Variants in DGKG observed in about 807,000 individuals in gnomAD.
DGKG encodes DAG kinase gamma.
In DGKG, 78 loss-of-function variants were observed where a neutral mutation model predicts 105.3. The ratio of observed to expected loss-of-function variants is 0.74; its 90% CI spans 0.62 to 0.89. DGKG has a LOEUF of 0.89. Among genes scored for constraint, DGKG ranks in the 40% least tolerant of loss-of-function variants. DGKG has a pLI of 0.00. For missense variants in DGKG, 958 were observed against 1,020.1 expected (o/e 0.94, Z 0.83); for synonymous variants, 346 against 367.1 (o/e 0.94, Z 0.66).
At chr3:186,270,884 G>A (rs1722282401) in intron 11 of DGKG, among the ~76,000 whole-genome samples, 1 of 152,212 alleles carries the variant, frequency 6.6e-6, no homozygotes, top group Non-Finnish European at 1.5e-5. Context: ...CCCCTCATTG[G>A]CCTCACTCTG....
chr3:186,295,239 A>C lies in DGKG; in HGVS notation c.373+2182T>G, dbSNP rs552815926. Among the ~76,000 whole-genome samples, 4 of 152,258 alleles carry C rather than the reference A, an allele frequency of 2.6e-5. No homozygotes were observed. In the East Asian group the frequency reaches 7.7e-4, roughly 29 times the overall value. On this transcript the variant is annotated intron_variant, in intron 5 of 24. Transcript: ENST00000265022. ...AAATATAGGCTGGGCGGGGTGGCTCACGCCTATAATCCCAGCACTTTGGGA... is the reference window on the plus strand; with the variant it reads ...AAATATAGGCTGGGCGGGGTGGCTCCCGCCTATAATCCCAGCACTTTGGGA...
chr3:186,280,948 G>T, intron 7 of DGKG: 1 of 524,436 alleles, frequency 1.9e-6, no homozygotes, highest in Non-Finnish European at 3.5e-6. Context: ...GCATGCATAA[G>T]CTGGAGGTAT....
chr3:186,188,298 T>G lies in DGKG; in HGVS notation c.1999A>C (p.Thr667Pro). 6.2e-7 allele frequency: 1 copy of G among 1,614,176 alleles called. No individual in the cohort carries two copies. The highest frequency in any genetic ancestry group is 8.5e-7 in the Non-Finnish European group (1 of 1,180,040). ...TTCTTGTTTTCTCCCCAGAGATTGG[T>G]GCCTCCGTACATGCTGGGAATGTTG... ...ILNIPSMYGG[T>P]NLWGENKKNR... is the part of the protein sequence containing the mutation. The change falls in exon 22 of 25, where the codon ACC (threonine) becomes CCC (proline). Residue 667 changes from threonine (T) to proline (P), a missense_variant. Thr to Pro is a conservative substitution (Grantham distance 38, BLOSUM62 -1). Transcript: ENST00000265022.
At chr3:186,192,851 C>T (rs561735663) in intron 21 of DGKG, among the ~76,000 whole-genome samples, 7 of 152,284 alleles carry the variant, frequency 4.6e-5, no homozygotes, top group Admixed American at 1.3e-4. Context: ...ATCTTGCCTC[C>T]GCACCAGGTT....
At position 186,298,141 on chromosome 3, in the gene DGKG, G is replaced by T. The variant is rs761372917; in HGVS notation, c.233C>A (p.Ala78Asp). 16 of 1,614,048 alleles carry T rather than the reference G, an allele frequency of 9.9e-6. No homozygotes were observed. The South Asian group carries it at 1.6e-4, about 17-fold the overall frequency. The change falls in exon 4 of 25, where the codon GCC becomes GAC. Residue 78 changes from alanine to aspartate, a missense_variant. Physicochemically the swap from Ala to Asp is moderately radical, Grantham distance 126 (BLOSUM62 -2). Around this residue, in one of 2 missense-constraint regions of DGKG, gnomAD observed 643 missense variants for 619.5 expected, o/e 1.04. Transcript: ENST00000265022. ...PQPLSTHLFL[A>D]FSQKPRHETS... ...CTCGTGTCTGGGCTTCTGGCTGAAG[G>T]CCAGGAAGAGGTGAGTGCTCAGTGG...
At chr3:186,201,736 T>C (rs1406902371) in intron 21 of DGKG, among the ~76,000 whole-genome samples, 1 of 152,210 alleles carries the variant, frequency 6.6e-6, no homozygotes, top group Non-Finnish European at 1.5e-5. Flanking sequence ...TTGCTAATGT[T>C]CACACCAATT....
chr3:186,273,367 CTTTTTTTTT>C (rs375667915), intron 10 of DGKG, among the ~76,000 whole-genome samples: 3,166 of 85,656 alleles, frequency 0.037, 81 homozygotes, highest in Middle Eastern at 0.077. Context: ...TGTTGTACCC[CTTTTTTTTT>C]TTTTTTTTTT....
At chr3:186,209,041 A>G (rs1718888811) in intron 21 of DGKG, among the ~76,000 whole-genome samples, 1 of 149,832 alleles carries the variant, frequency 6.7e-6, no homozygotes, top group Non-Finnish European at 1.5e-5. Flanking sequence ...CAGTCAAAGC[A>G]CGTGACTTTT....
At chr3:186,266,779 G>C (rs1421461038) in intron 13 of DGKG, among the ~76,000 whole-genome samples, 1 of 152,066 alleles carries the variant, frequency 6.6e-6, no homozygotes, top group South Asian at 2.1e-4. Context: ...TGTATTTTTA[G>C]TAGAGATGGG....
In DGKG at chr3:186,211,870, C is replaced by G. The variant is rs145474986; in HGVS notation, c.1842G>C (p.Leu614=). The change falls in exon 21 of 25, where the codon CTG becomes CTC. Residue 614 remains leucine (L), a synonymous_variant. Transcript: ENST00000265022. ...CCGAGGTGCCAAATTCAAAGTACCA[C>G]AGCTTGTTCTTCATCCTGGACCACA... The part of the protein sequence containing the change: ...EKFNSRMKNK[L]WYFEFGTSET... The G allele has an allele frequency of 5.6e-6, 9 of 1,614,064 alleles. No homozygotes were observed. The African/African-American group carries it at 1.2e-4, about 22-fold the overall frequency.
intron 20 of DGKG, among the ~76,000 whole-genome samples, chr3:186,218,377 GACTGTAATCCCAGCT>G (rs1408215355): frequency 6.6e-6 from 1 of 151,792 alleles, no homozygotes; most frequent in Non-Finnish European, 1.5e-5. Flanking sequence ...GGTGGTGCAT[GACTGTAATCCCAGCT>G]ACTCGGGAAG....
rs368145684 is a variant in DGKG, at chr3:186,361,396, A to T, written c.-249+550T>A. On this transcript the variant is annotated intron_variant, in intron 1 of 24. Transcript: ENST00000265022. This position sits in a 1 kb window ranked among gnomAD's most constrained non-coding sequence, Gnocchi z 6.8. ...CTGAGACTACACAGATCAACCTCAG[A>T]TTCGACCCTTCCCTCCTTTATTCTC... Among the ~76,000 whole-genome samples, 6 of 152,250 alleles carry T rather than the reference A, an allele frequency of 3.9e-5. No homozygotes were observed. The East Asian group carries it at 1.2e-3, about 29-fold the overall frequency.
intron 20 of DGKG, among the ~76,000 whole-genome samples, chr3:186,215,518 T>A (rs1411846159): frequency 2.6e-5 from 4 of 152,014 alleles, no homozygotes; most frequent in African/African-American, 9.7e-5. Flanking sequence ...TTAGGTTTTT[T>A]AAAGATCATT....
rs201683738 is a variant in DGKG at position 186,348,974 on chromosome 3, AT to A, written c.-249+12971del. On this transcript the variant is annotated intron_variant, in intron 1 of 24. Coordinates refer to ENST00000265022, the MANE Select transcript of DGKG (RefSeq NM_001346.3). ...AACTATTTTGAAGTAATGTCAGGAA[AT>A]TTTTTTTTATTTAAAAATTATTTAA... 9.1e-3 allele frequency among the ~76,000 whole-genome samples: 1,375 copies of A among 151,696 alleles called. 26 individuals carry two copies. The highest frequency in any genetic ancestry group is 0.03 in the African/African-American group (1,260 of 41,386).
intron 7 of DGKG, among the ~76,000 whole-genome samples, chr3:186,282,708 G>T (rs1722882590): frequency 6.6e-6 from 1 of 151,922 alleles, no homozygotes; most frequent in Non-Finnish European, 1.5e-5. Flanking sequence ...TAGAGACGGG[G>T]TTTTGCCATG....
At chr3:186,232,378 T>A (rs901651265) in intron 20 of DGKG, among the ~76,000 whole-genome samples, 2 of 152,204 alleles carry the variant, frequency 1.3e-5, no homozygotes, top group African/African-American at 4.8e-5. Flanking sequence ...GAAAATATGT[T>A]ATAGCGCTGA....
At chr3:186,234,708 T>C (rs1720330255) in intron 20 of DGKG, among the ~76,000 whole-genome samples, 1 of 152,186 alleles carries the variant, frequency 6.6e-6, no homozygotes, top group Non-Finnish European at 1.5e-5. Context: ...GTAGGGAGGC[T>C]TGAGACGCCA....
At chr3:186,301,355 C>T (rs999576247) in intron 3 of DGKG, among the ~76,000 whole-genome samples, 3 of 152,102 alleles carry the variant, frequency 2.0e-5, no homozygotes, top group Non-Finnish European at 2.9e-5. Context: ...GTGACGGGTG[C>T]GGTGGCTCAC....
chr3:186,353,656 GTCTATATCTATATCTATA>G (rs200198956), intron 1 of DGKG, among the ~76,000 whole-genome samples: 7 of 116,134 alleles, frequency 6.0e-5, no homozygotes, highest in Admixed American at 2.6e-4. Flanking sequence ...CTATGTCTAT[GTCTATATCTATATCTATA>G]TCTATATCTA....
Sources: gnomAD v4.1 joint callset for allele counts (sites outside exome capture counted in the v4.1 genomes callset) on GRCh38, gnomAD v4.1.1 for gene constraint, gnomAD v4.1.1 regional missense constraint, Gnocchi (gnomAD v3.1) non-coding constraint, MANE v1.5 for transcripts, NCBI Gene and HGNC (gene_info 2026-07-23, HGNC 2026-07-21) for gene names.